Variants in CLDN10 observed in about 807,000 individuals in gnomAD.
The protein encoded by CLDN10 is claudin-10.
Under a neutral mutation model 22.9 loss-of-function variants are expected in CLDN10, and 15 were observed. The ratio of observed to expected loss-of-function variants is 0.65; its 90% CI spans 0.44 to 1.01. CLDN10 has a LOEUF of 1.01. Ranked by LOEUF, CLDN10 falls within the 50% of genes least tolerant of loss-of-function variation. CLDN10 has a pLI of 0.00. For synonymous variants in CLDN10, 114 were observed against 111.4 expected (o/e 1.02, Z -0.15); for missense variants, 247 against 287.8 (o/e 0.86, Z 1.03).
At chr13:95,446,159 C>G (rs969094518) in intron 1 of CLDN10, among the ~76,000 whole-genome samples, 1 of 152,194 alleles carries the variant, frequency 6.6e-6, no homozygotes, top group Non-Finnish European at 1.5e-5. Context: ...ATGGGACAGG[C>G]TGTCTCACAG....
chr13:95,579,066 A>C lies in CLDN10; in HGVS notation c.*1052A>C, dbSNP rs370023837. On this transcript the variant is annotated 3_prime_UTR_variant, in exon 5 of 5. Coordinates refer to ENST00000299339, the MANE Select transcript of CLDN10 (RefSeq NM_006984.5). ...ATTATTGGAACACTAAGCATGTGGG[A>C]GTTATTTATATCCTACTGCTCAAGG... 6.6e-6 allele frequency: 1 copy of C among 152,184 alleles called. No homozygotes were observed. The highest frequency in any genetic ancestry group is 2.4e-5 in the African/African-American group (1 of 41,438). The allele number at this position is 152,184 out of a possible 1,614,324, so 9.4% of individuals were successfully genotyped here.
intron 1 of CLDN10, among the ~76,000 whole-genome samples, chr13:95,492,526 CA>C (rs924077661): frequency 1.3e-4 from 20 of 152,292 alleles, no homozygotes; most frequent in African/African-American, 4.6e-4. Flanking sequence ...CCTCCCCCAA[CA>C]GCCTCGAGTC....
At chr13:95,445,054 G>T (rs2042359593) in intron 1 of CLDN10, among the ~76,000 whole-genome samples, 1 of 152,220 alleles carries the variant, frequency 6.6e-6, no homozygotes, top group Non-Finnish European at 1.5e-5. Context: ...GGGATTACAG[G>T]CAGGAGCCGC....
At chr13:95,536,700 G>C (rs1199145305) in intron 1 of CLDN10, among the ~76,000 whole-genome samples, 2 of 152,134 alleles carry the variant, frequency 1.3e-5, no homozygotes, top group Non-Finnish European at 2.9e-5. Context: ...TTCTAGTTCT[G>C]TTAATACTGG....
At chr13:95,467,166 C>A (rs902318913) in intron 1 of CLDN10, among the ~76,000 whole-genome samples, 1 of 151,530 alleles carries the variant, frequency 6.6e-6, no homozygotes, top group South Asian at 2.1e-4. Flanking sequence ...TGTGAGCCAC[C>A]GCGCCCAGCC....
intron 1 of CLDN10, among the ~76,000 whole-genome samples, chr13:95,492,584 T>G (rs9670620): frequency 0.081 from 12,353 of 152,116 alleles, 533 homozygotes; most frequent in Middle Eastern, 0.092. Context: ...TGCCCAAGGC[T>G]TTTTCCCTTC....
chr13:95,475,452 C>A (rs1202761273), intron 1 of CLDN10, among the ~76,000 whole-genome samples: 1 of 152,224 alleles, frequency 6.6e-6, no homozygotes, highest in Non-Finnish European at 1.5e-5. Flanking sequence ...GATGCCCCAG[C>A]CAATTCTCGG....
intron 1 of CLDN10, among the ~76,000 whole-genome samples, chr13:95,438,082 C>G (rs899728325): frequency 1.3e-5 from 2 of 152,180 alleles, no homozygotes; most frequent in Non-Finnish European, 2.9e-5. Flanking sequence ...AAGACAGGGT[C>G]TCACTCTGTC....
intron 1 of CLDN10, among the ~76,000 whole-genome samples, chr13:95,524,817 A>G (rs2043262234): frequency 1.3e-5 from 2 of 151,636 alleles, no homozygotes; most frequent in South Asian, 4.2e-4. Context: ...TCTCACCAAC[A>G]TTTGTTATTT....
At chr13:95,452,136 T>G (rs1046699474) in intron 1 of CLDN10, among the ~76,000 whole-genome samples, 3 of 152,212 alleles carry the variant, frequency 2.0e-5, no homozygotes, top group Non-Finnish European at 4.4e-5. Context: ...CCAATTGTTA[T>G]CAATGGCAAT....
intron 1 of CLDN10, among the ~76,000 whole-genome samples, chr13:95,537,016 T>C (rs1223173751): frequency 1.3e-5 from 2 of 152,244 alleles, no homozygotes; most frequent in Non-Finnish European, 2.9e-5. Flanking sequence ...AGCCTTTTGC[T>C]TCTTTAGAAG....
chr13:95,548,488 A>T (rs956077926), upstream of CLDN10, among the ~76,000 whole-genome samples: 1 of 152,216 alleles, frequency 6.6e-6, no homozygotes, highest in Non-Finnish European at 1.5e-5. Flanking sequence ...TTGCAAAAAA[A>T]ATTATAGATA....
rs1176533524 is a variant in CLDN10 at position 95,538,153 on chromosome 13, C to CTTTTT, written c.215-21955_215-21951dup. 3.3e-4 allele frequency among the ~76,000 whole-genome samples: 22 copies of CTTTTT among 66,822 alleles called. 2 individuals are homozygous for CTTTTT. The highest frequency in any genetic ancestry group is 4.9e-4 in the African/African-American group (8 of 16,398). 43.8% of individuals were successfully genotyped at this position (66,822 alleles called of 152,430 possible). On this transcript the variant is annotated intron_variant, in intron 1 of 4. Coordinates refer to the CLDN10 transcript ENST00000376873. Reference sequence around the variant, plus strand: ...TGACCCATTGACAAACTGTTTATTTCTTTTTTTTTTTTTTTTTTTTTTTTT... The same window carrying CTTTTT: ...TGACCCATTGACAAACTGTTTATTTCTTTTTTTTTTTTTTTTTTTTTTTTTTTTTT...
At chr13:95,453,482 A>G (rs886482978) in intron 1 of CLDN10, among the ~76,000 whole-genome samples, 7 of 151,908 alleles carry the variant, frequency 4.6e-5, no homozygotes, top group Non-Finnish European at 1.0e-4. Flanking sequence ...CAGGAGTTCC[A>G]GACCAGCCTG....
intron 1 of CLDN10, among the ~76,000 whole-genome samples, chr13:95,444,668 G>A (rs2042355287): frequency 6.6e-6 from 1 of 152,228 alleles, no homozygotes; most frequent in South Asian, 2.1e-4. Flanking sequence ...TTTAGGCTAA[G>A]GGACTCATCC....
intron 1 of CLDN10, among the ~76,000 whole-genome samples, chr13:95,531,420 T>C (rs919528606): frequency 6.6e-6 from 1 of 152,176 alleles, no homozygotes; most frequent in African/African-American, 2.4e-5. Context: ...GGGCATCAAT[T>C]TTTCTAGTAG....
At chr13:95,457,774 C>T (rs1042732293) in intron 1 of CLDN10, among the ~76,000 whole-genome samples, 1 of 152,064 alleles carries the variant, frequency 6.6e-6, no homozygotes, top group Non-Finnish European at 1.5e-5. Context: ...AGGGTGTACT[C>T]TCTTGAAGAC....
intron 1 of CLDN10, among the ~76,000 whole-genome samples, chr13:95,514,387 A>C (rs1201347178): frequency 6.6e-6 from 1 of 151,852 alleles, no homozygotes; most frequent in African/African-American, 2.4e-5. Flanking sequence ...GGATTCCCCC[A>C]CCTACCCCAC....
intron 1 of CLDN10, among the ~76,000 whole-genome samples, chr13:95,531,117 A>T (rs2043338114): frequency 6.6e-6 from 1 of 151,644 alleles, no homozygotes; most frequent in Admixed American, 6.6e-5. Context: ...ACGGGGTTTC[A>T]CCATGTTAGC....
Sources: allele counts gnomAD v4.1 joint callset (sites outside exome capture counted in the v4.1 genomes callset), GRCh38; gene constraint gnomAD v4.1.1; transcripts MANE v1.5; gene names NCBI Gene and HGNC (gene_info 2026-07-23, HGNC 2026-07-21).